Variants in C1orf167 observed in about 807,000 individuals in gnomAD.
C1orf167 encodes the protein chromosome 1 open reading frame 167.
A neutral mutation model predicts 176.5 loss-of-function variants in C1orf167; 153 were observed. The observed-to-expected ratio is 0.87, with a 90% confidence interval of 0.76 to 0.99. The LOEUF (loss-of-function observed/expected upper bound fraction) is 0.99, where lower values mean the gene tolerates loss of function less well. C1orf167 is among the 50% of genes least tolerant of loss of function. The pLI is 0.00. For missense variants in C1orf167, 1,490 were observed against 1,817.7 expected (o/e 0.82, Z 3.28); for synonymous variants, 594 against 752.7 (o/e 0.79, Z 3.45).
At chr1:11,787,583 T>C (rs1643916939) in intron 17 of C1orf167, 90 bp downstream of exon 17, 3 of 946,196 alleles carry the variant, frequency 3.2e-6, no homozygotes, top group South Asian at 1.6e-5. Flanking sequence ...AATCAGCTCC[T>C]TGGGACACGG....
At position 11,788,177 on chromosome 1, in the gene C1orf167, C is replaced by T. The variant is rs948115020; in HGVS notation, c.3877C>T (p.Gln1293Ter). 1.5e-5 allele frequency: 19 copies of T among 1,291,006 alleles called. No individual in the cohort carries two copies. The highest frequency in any genetic ancestry group is 1.9e-5 in the Non-Finnish European group (19 of 978,296). The allele number at this position is 1,291,006 out of a possible 1,614,324, so 80.0% of individuals were successfully genotyped here. A position where few individuals can be genotyped will look rare whatever the true frequency, so the allele number is the denominator to read the frequency against. Reference sequence around the variant, plus strand: ...TCGTTCCTGCAGGATCCTGGAAAAGCAGGCCCAGGCCCATGGCTCTGCCCT... The same window carrying T: ...TCGTTCCTGCAGGATCCTGGAAAAGTAGGCCCAGGCCCATGGCTCTGCCCT... The part of the protein sequence containing the change: ...RARSCRILEK[Q>*]AQAHGSALLL... The change falls in exon 19 of 21, where the codon CAG becomes TAG. Residue 1293 changes from glutamine (Q) to a stop codon, truncating the protein, a stop_gained. Coordinates refer to ENST00000688073, the MANE Select transcript of C1orf167 (RefSeq NM_001010881.2). LOFTEE classifies it high-confidence loss of function.
In C1orf167 at chr1:11,766,799, C is replaced by T. The variant is rs991867455; in HGVS notation, c.1013C>T (p.Ser338Phe). ...ACTTTGGGGACACGGACCAAGGATT[C>T]CCTTAATCCTGAGCAGGGGCTCCCT... The part of the protein sequence containing the change: ...ETTLGTRTKD[S>F]LNPEQGLPPA... Residue 338 changes from serine to phenylalanine, a missense_variant, in exon 3 of 21, where the codon TCC becomes TTC. Transcript: ENST00000688073. The surrounding 1 kb of genome is among the most constrained non-coding windows in gnomAD (Gnocchi z 4.5). The T allele has an allele frequency of 2.3e-6, 3 of 1,289,504 alleles. No homozygotes were observed. The highest frequency in any genetic ancestry group is 3.0e-6 in the Non-Finnish European group (3 of 988,772). The allele number at this position is 1,289,504 out of a possible 1,614,324, so 79.9% of individuals were successfully genotyped here.
intron 12 of C1orf167, 197 bp downstream of exon 12, chr1:11,779,277 C>G (rs965171593): frequency 3.0e-6 from 1 of 330,776 alleles, no homozygotes; most frequent in South Asian, 4.0e-5. Flanking sequence ...AGTCACTGTT[C>G]CTCTTGGAGA....
At chr1:11,773,315 T>C (rs1052010719) in intron 8 of C1orf167, among the ~76,000 whole-genome samples, 4 of 152,154 alleles carry the variant, frequency 2.6e-5, no homozygotes, top group Admixed American at 1.3e-4. Context: ...TCCAAATACA[T>C]CCCCCGCTCC....
intron 8 of C1orf167, among the ~76,000 whole-genome samples, chr1:11,773,214 A>T (rs1643164192): frequency 6.6e-6 from 1 of 151,680 alleles, no homozygotes; most frequent in African/African-American, 2.4e-5. Flanking sequence ...TTTCTTACTC[A>T]AAAGTAGAGC....
intron 13 of C1orf167, among the ~76,000 whole-genome samples, chr1:11,781,872 T>G (rs1309064873): frequency 6.7e-6 from 1 of 149,404 alleles, no homozygotes; most frequent in Non-Finnish European, 1.5e-5. Flanking sequence ...ATTGGGCCAC[T>G]GCACTCCAGC....
chr1:11,776,681 C>T (rs1435635442), intron 10 of C1orf167, 43 bp downstream of exon 10: 1 of 1,185,632 alleles, frequency 8.4e-7, no homozygotes, highest in Admixed American at 3.9e-5. Flanking sequence ...GGCCTGGGGG[C>T]TGTGGGGTGG....
intron 13 of C1orf167, among the ~76,000 whole-genome samples, chr1:11,780,999 C>CTTTTTTTT (rs386366239): frequency 9.7e-5 from 9 of 92,782 alleles, no homozygotes; most frequent in African/African-American, 1.3e-4. Flanking sequence ...CCCAACCAGT[C>CTTTTTTTT]TTTTTTTTTT....
intron 13 of C1orf167, 31 bp downstream of exon 13, chr1:11,780,041 G>A (rs1285645132): frequency 4.0e-6 from 5 of 1,242,194 alleles, no homozygotes; most frequent in Non-Finnish European, 5.3e-6. Flanking sequence ...GGGCACTGCG[G>A]GTGAGGGCAG....
chr1:11,788,798 C>T (rs1404195226), intron 20 of C1orf167, 52 bp downstream of exon 20: 2 of 1,290,444 alleles, frequency 1.5e-6, no homozygotes, highest in Non-Finnish European at 2.0e-6. Flanking sequence ...CTCAGCCAGC[C>T]TTCCAGAAGT....
chr1:11,771,941 G>A (rs753011086), intron 7 of C1orf167, 141 bp from the exon 8 acceptor site: 4 of 567,418 alleles, frequency 7.0e-6, no homozygotes, highest in Non-Finnish European at 1.1e-5. Flanking sequence ...ACCAGAGGCT[G>A]GAGTATTGGA....
intron 6 of C1orf167, among the ~76,000 whole-genome samples, chr1:11,770,827 C>T (rs1283622758): frequency 1.4e-5 from 2 of 146,268 alleles, no homozygotes; most frequent in Non-Finnish European, 3.0e-5. Flanking sequence ...TTTTTTTAAA[C>T]AGAGCCTTGC....
In C1orf167 at chr1:11,772,237, C is replaced by CACCAG; in HGVS notation, c.1968_1972dup (p.Arg658ThrfsTer35). The CACCAG allele has an allele frequency of 7.7e-7, 1 of 1,303,824 alleles. No individual in the cohort carries two copies. Among genetic ancestry groups the CACCAG allele is most frequent in the South Asian group, 1.2e-5 (1 of 81,004 alleles). 80.8% of individuals were successfully genotyped at this position (1,303,824 alleles called of 1,614,324 possible). ...CTGGGTGGCCCCACTGAGCCCCCAG[C>CACCAG]ACCAGAGAGCTTGGCTGTGCAGGTA... On this transcript the variant is annotated frameshift_variant, in exon 8 of 21. Coordinates refer to ENST00000688073, the MANE Select transcript of C1orf167 (RefSeq NM_001010881.2). LOFTEE classifies it high-confidence loss of function.
At position 11,765,989 on chromosome 1, in the gene C1orf167, C is replaced by T; in HGVS notation, c.203C>T (p.Pro68Leu). 1.6e-6 allele frequency: 2 copies of T among 1,288,946 alleles called. No homozygotes were observed. The highest frequency in any genetic ancestry group is 2.0e-6 in the Non-Finnish European group (2 of 988,318). The allele number at this position is 1,288,946 out of a possible 1,614,324, so 79.8% of individuals were successfully genotyped here. The change falls in exon 3 of 21, where the codon CCC becomes CTC. Residue 68 changes from proline to leucine, a missense_variant. By Grantham distance (98) the Pro-to-Leu change is moderately conservative. Coordinates refer to ENST00000688073, the MANE Select transcript of C1orf167 (RefSeq NM_001010881.2). ...CCAGGGGCAGTGCTAGACCAGGAGC[C>T]CTGCCGAGTCCAGACCAACCTGGCC... ...PSPGAVLDQEPCRVQTNLASP... is the reference protein window; with the variant it reads ...PSPGAVLDQELCRVQTNLASP...
chr1:11,784,695 G>A, intron 15 of C1orf167, 102 bp downstream of exon 15: 2 of 1,153,778 alleles, frequency 1.7e-6, no homozygotes, highest in Non-Finnish European at 2.2e-6. Flanking sequence ...TGGGTGGCAG[G>A]GCAAAGGCTC....
intron 17 of C1orf167, 165 bp from the exon 18 acceptor site, chr1:11,787,708 G>A (rs1398043249): frequency 9.4e-7 from 1 of 1,060,712 alleles, no homozygotes; most frequent in Non-Finnish European, 1.2e-6. Context: ...TGGGCGGCAG[G>A]CAGCCGGGAG....
In C1orf167 at chr1:11,784,155, C is replaced by CA. The variant is rs1335593791; in HGVS notation, c.3006-17dup. On this transcript the variant is annotated intron_variant, in intron 14 of 20. Transcript: ENST00000688073. ...CAAGCATGAGCCACCACACCTGGCC[C>CA]AATGTGTCTGTTTTGCAGCTACTTC... is the stretch of plus-strand genomic sequence containing the variant. 2 of 1,216,806 alleles carry CA rather than the reference C, an allele frequency of 1.6e-6. No individual in the cohort carries two copies. Among genetic ancestry groups the CA allele is most frequent in the East Asian group, 1.2e-4 (2 of 17,222 alleles). The allele number at this position is 1,216,806 out of a possible 1,614,324, so 75.4% of individuals were successfully genotyped here.
At position 11,766,352 on chromosome 1, in the gene C1orf167, C is replaced by G. The variant is rs866518119; in HGVS notation, c.566C>G (p.Pro189Arg). The G allele has an allele frequency of 2.4e-6, 3 of 1,275,088 alleles. No homozygotes were observed. Among genetic ancestry groups the G allele is most frequent in the Non-Finnish European group, 3.1e-6 (3 of 982,342 alleles). 79.0% of individuals were successfully genotyped at this position (1,275,088 alleles called of 1,614,324 possible). A position where few individuals can be genotyped will look rare whatever the true frequency, so the allele number is the denominator to read the frequency against. ...GDFRPTEAFA[P>R]LDGHTQPGLR... is the part of the protein sequence containing the mutation. The stretch of plus-strand genomic sequence containing the variant: ...TTCAGGCCCACTGAAGCCTTTGCCC[C>G]TCTCGATGGGCATACACAGCCAGGC... The change falls in exon 3 of 21, where the codon CCT becomes CGT. Residue 189 changes from proline (P) to arginine (R), a missense_variant. By Grantham distance (103) the Pro-to-Arg change is moderately radical. Coordinates refer to ENST00000688073, the MANE Select transcript of C1orf167 (RefSeq NM_001010881.2). The surrounding 1 kb of genome is among the most constrained non-coding windows in gnomAD (Gnocchi z 4.5).
chr1:11,775,011 G>A (rs888117108), intron 8 of C1orf167, among the ~76,000 whole-genome samples: 5 of 152,164 alleles, frequency 3.3e-5, no homozygotes, highest in East Asian at 3.9e-4. Flanking sequence ...TTGGCCAGAC[G>A]CGGTGGCTCA....
Sources: gnomAD v4.1 joint callset for allele counts (sites outside exome capture counted in the v4.1 genomes callset) on GRCh38, gnomAD v4.1.1 for gene constraint, Gnocchi (gnomAD v3.1) non-coding constraint, MANE v1.5 for transcripts, NCBI Gene and HGNC (gene_info 2026-07-23, HGNC 2026-07-21) for gene names.